Variants in OS9 observed in about 807,000 individuals in gnomAD.
The protein encoded by OS9 is protein OS-9.
In OS9, 58 loss-of-function variants were observed where a neutral mutation model predicts 84.7. The ratio of observed to expected loss-of-function variants is 0.68; its 90% CI spans 0.55 to 0.85. The LOEUF is 0.85. Among genes scored for constraint, OS9 ranks in the 40% least tolerant of loss-of-function variants. The probability of loss-of-function intolerance (pLI) is 0.00; values close to 1 mark genes in which losing one functional copy is unlikely to be tolerated. For synonymous variants in OS9, 278 were observed against 320.8 expected, an observed-to-expected ratio of 0.87 and a Z score of 1.43; for missense variants, 760 against 850.9, an observed-to-expected ratio of 0.89 and a Z score of 1.33.
chr12:57,711,004 G>A (rs1187949516), intron 5 of OS9, among the ~76,000 whole-genome samples: 1 of 128,238 alleles, frequency 7.8e-6, no homozygotes, highest in South Asian at 2.5e-4. Flanking sequence ...ACACCACTAT[G>A]CTCCAGCCTG....
intron 9 of OS9, 81 bp downstream of exon 9, chr12:57,716,825 G>A: frequency 7.6e-7 from 1 of 1,321,774 alleles, no homozygotes; most frequent in Non-Finnish European, 1.1e-6. Flanking sequence ...AGCTAAGCCT[G>A]GGAGGGAGGT....
chr12:57,716,692 G>C lies in OS9; in HGVS notation c.994-1G>C. The stretch of plus-strand genomic sequence containing the variant: ...TGACTCTCTCCTTTTCTCCTCGTCA[G>C]GAGCAGGACCCAAGCCCTGAGGCAG... On this transcript the variant is annotated splice_acceptor_variant, in intron 8 of 14. Transcript: ENST00000315970. LOFTEE classifies it high-confidence loss of function. 1 of 1,614,010 alleles carries C rather than the reference G, an allele frequency of 6.2e-7. No individual in the cohort carries two copies. Among genetic ancestry groups the C allele is most frequent in the Non-Finnish European group, 8.5e-7 (1 of 1,179,892 alleles).
intron 5 of OS9, among the ~76,000 whole-genome samples, chr12:57,709,381 T>C (rs753351811): frequency 1.1e-4 from 17 of 152,272 alleles, no homozygotes; most frequent in Non-Finnish European, 1.9e-4. Context: ...TTATGGTTTC[T>C]ACGTGCTTCT....
intron 5 of OS9, among the ~76,000 whole-genome samples, chr12:57,713,801 C>G (rs1319311564): frequency 6.6e-6 from 1 of 150,514 alleles, no homozygotes; most frequent in Non-Finnish European, 1.5e-5. Flanking sequence ...GGGAGCATGT[C>G]ATGGTTCAAG....
chr12:57,699,473 G>A (rs1953957325), intron 5 of OS9, among the ~76,000 whole-genome samples: 1 of 151,760 alleles, frequency 6.6e-6, no homozygotes, highest in Non-Finnish European at 1.5e-5. Flanking sequence ...CAGAGAGGAG[G>A]CTATGGTGAC....
At chr12:57,718,002 TGC>T (rs1353210811) in intron 10 of OS9, 44 bp downstream of exon 10, 1 of 1,560,704 alleles carries the variant, frequency 6.4e-7, no homozygotes, top group Non-Finnish European at 8.7e-7. Context: ...ACCTCCCAAC[TGC>T]GAGCATTTGA....
At chr12:57,701,554 G>A (rs954476408) in intron 5 of OS9, among the ~76,000 whole-genome samples, 1 of 151,944 alleles carries the variant, frequency 6.6e-6, no homozygotes, top group African/African-American at 2.4e-5. Context: ...GGGATTACAG[G>A]TGTGAGCCAC....
intron 9 of OS9, among the ~76,000 whole-genome samples, 170 bp from the exon 10 acceptor site, chr12:57,717,700 G>A (rs1233787503): frequency 1.3e-5 from 2 of 149,828 alleles, no homozygotes; most frequent in African/African-American, 4.9e-5. Context: ...GGCTGAGGCA[G>A]GAGAATCTCT....
chr12:57,711,120 G>A (rs1003007841), intron 5 of OS9, among the ~76,000 whole-genome samples: 6 of 143,308 alleles, frequency 4.2e-5, no homozygotes, highest in South Asian at 2.3e-4. Context: ...TTCTCTCCCC[G>A]CCATCCCTGC....
chr12:57,694,988 G>T, intron 2 of OS9, 62 bp downstream of exon 2: 6 of 1,467,936 alleles, frequency 4.1e-6, no homozygotes, highest in Non-Finnish European at 5.7e-6. Flanking sequence ...CCAAGAACTG[G>T]AGTCCACTGA....
In OS9 at chr12:57,699,227, A is replaced by G. The variant is rs1056590967; in HGVS notation, c.579+2854A>G. Among the ~76,000 whole-genome samples the G allele has an allele frequency of 4.6e-5, 7 of 152,192 alleles. No homozygotes were observed. The South Asian group carries it at 1.4e-3, about 31-fold the overall frequency. Reference sequence around the variant, plus strand: ...TTTGAATATGATTTTAGTGGCTGCTAGGCATTCAAGTAGAGATTTCCAAGG... The same window carrying G: ...TTTGAATATGATTTTAGTGGCTGCTGGGCATTCAAGTAGAGATTTCCAAGG... On this transcript the variant is annotated intron_variant, in intron 5 of 14. Transcript: ENST00000315970.
At chr12:57,703,789 T>C (rs769119980) in intron 5 of OS9, among the ~76,000 whole-genome samples, 30 of 152,208 alleles carry the variant, frequency 2.0e-4, no homozygotes, top group Non-Finnish European at 3.7e-4. Context: ...AAAAACACCA[T>C]TGGATGCCTT....
At chr12:57,698,560 G>A (rs970229772) in intron 5 of OS9, among the ~76,000 whole-genome samples, 1 of 152,238 alleles carries the variant, frequency 6.6e-6, no homozygotes, top group Non-Finnish European at 1.5e-5. Context: ...AGTCGGGACA[G>A]AGTCCAGGGT....
At chr12:57,710,690 G>T (rs1291988334) in intron 5 of OS9, among the ~76,000 whole-genome samples, 1 of 151,992 alleles carries the variant, frequency 6.6e-6, no homozygotes, top group Admixed American at 6.6e-5. Context: ...TTATTAAATA[G>T]ATAATACTTT....
chr12:57,694,604 T>A, intron 1 of OS9, 146 bp from the exon 2 acceptor site: 1 of 842,748 alleles, frequency 1.2e-6, no homozygotes, highest in South Asian at 1.5e-5. Context: ...CCCTCTCCTC[T>A]CACCCACTAA....
chr12:57,714,593 C>T (rs554932234), intron 5 of OS9, among the ~76,000 whole-genome samples: 1 of 152,130 alleles, frequency 6.6e-6, no homozygotes, highest in Non-Finnish European at 1.5e-5. Context: ...GAAGTAGGAC[C>T]GCTCCCACTT....
intron 10 of OS9, 55 bp downstream of exon 10, chr12:57,718,013 G>GA (rs757057602): frequency 6.4e-7 from 1 of 1,551,234 alleles, no homozygotes. Flanking sequence ...GCGAGCATTT[G>GA]AAAAACTACC....
chr12:57,694,962 G>A, intron 2 of OS9, 36 bp downstream of exon 2: 1 of 1,592,170 alleles, frequency 6.3e-7, no homozygotes, highest in South Asian at 1.1e-5. Flanking sequence ...TGAGGGCTTG[G>A]AAACTAGCAG....
chr12:57,711,389 C>T (rs1199087024), intron 5 of OS9, among the ~76,000 whole-genome samples: 1 of 133,640 alleles, frequency 7.5e-6, no homozygotes, highest in Non-Finnish European at 1.5e-5. Flanking sequence ...CTCTGTTACC[C>T]AGGCTGGAGT....
Sources: allele counts gnomAD v4.1 joint callset (sites outside exome capture counted in the v4.1 genomes callset), GRCh38; gene constraint gnomAD v4.1.1; transcripts MANE v1.5; gene names NCBI Gene and HGNC (gene_info 2026-07-23, HGNC 2026-07-21).